The following PCDHGB3 variants were observed in gnomAD, a reference collection of about 807,000 sequenced individuals.
PCDHGB3 encodes the protein protocadherin gamma subfamily B, 3.
A neutral mutation model predicts 59.2 loss-of-function variants in PCDHGB3; 40 were observed. The ratio of observed to expected loss-of-function variants is 0.68; its 90% confidence interval spans 0.52 to 0.88. PCDHGB3 has a LOEUF of 0.88. Among genes scored for constraint, PCDHGB3 ranks in the 40% least tolerant of loss-of-function variants. The pLI is 0.00. For missense variants in PCDHGB3, 1,309 were observed against 1,187.9 expected (o/e 1.10, Z -1.50); for synonymous variants, 581 against 503.6 (o/e 1.15, Z -2.06).
At chr5:141,376,920 C>G (rs527270477) in intron 1 of PCDHGB3, 1 of 173,352 alleles carries the variant, frequency 5.8e-6, no homozygotes, top group Non-Finnish European at 1.2e-5. Flanking sequence ...ATCTCCTGAC[C>G]TCATGATCCA....
intron 1 of PCDHGB3, among the ~76,000 whole-genome samples, chr5:141,457,537 T>C (rs967428207): frequency 6.6e-6 from 1 of 152,228 alleles, no homozygotes; most frequent in Non-Finnish European, 1.5e-5. Context: ...TAGGGTTTAA[T>C]GACAAATGTA....
chr5:141,484,426 C>T (rs377504062), intron 1 of PCDHGB3, among the ~76,000 whole-genome samples: 1 of 152,188 alleles, frequency 6.6e-6, no homozygotes, highest in African/African-American at 2.4e-5. Context: ...ACAATGAGAA[C>T]ATGTACTGCA....
At chr5:141,478,963 A>G (rs193236728) in intron 1 of PCDHGB3, among the ~76,000 whole-genome samples, 5 of 152,322 alleles carry the variant, frequency 3.3e-5, no homozygotes, top group East Asian at 1.9e-4. Context: ...TCATTCCTCC[A>G]CCTTTCAAGT....
intron 1 of PCDHGB3, among the ~76,000 whole-genome samples, chr5:141,406,983 A>G (rs997882236): frequency 6.6e-6 from 1 of 152,250 alleles, no homozygotes; most frequent in Non-Finnish European, 1.5e-5. Context: ...AACATTTCAC[A>G]AGACATTTGA....
intron 1 of PCDHGB3, chr5:141,418,974 G>C (rs754074516): frequency 1.0e-4 from 167 of 1,613,818 alleles, no homozygotes; most frequent in Non-Finnish European, 1.4e-4. Flanking sequence ...TTCAAAACAC[G>C]GGACCAAGAC....
intron 1 of PCDHGB3, chr5:141,377,207 A>T (rs1170353646): frequency 6.6e-6 from 1 of 152,122 alleles, no homozygotes; most frequent in Non-Finnish European, 1.5e-5. Context: ...GATTGAGTAC[A>T]TCTCGTTTCT....
intron 1 of PCDHGB3, chr5:141,415,073 C>G: frequency 1.9e-6 from 3 of 1,613,434 alleles, no homozygotes; most frequent in Non-Finnish European, 2.5e-6. Flanking sequence ...GTGCGCACGG[C>G]GCGAGCCCTG....
chr5:141,377,926 T>C (rs1194396438), intron 1 of PCDHGB3: 1 of 152,186 alleles, frequency 6.6e-6, no homozygotes, highest in Non-Finnish European at 1.5e-5. Flanking sequence ...AATCCACCTG[T>C]AACTGCTGCT....
At chr5:141,386,498 A>G (rs961063181) in intron 1 of PCDHGB3, among the ~76,000 whole-genome samples, 2 of 135,914 alleles carry the variant, frequency 1.5e-5, no homozygotes, top group African/African-American at 5.6e-5. Context: ...TAATATAACA[A>G]GACTCTGTCT....
At chr5:141,460,425 G>A (rs953425058) in intron 1 of PCDHGB3, among the ~76,000 whole-genome samples, 3 of 152,114 alleles carry the variant, frequency 2.0e-5, no homozygotes. Flanking sequence ...TATGTATGGT[G>A]TATGGTGTGA....
chr5:141,449,256 A>C (rs929920180), intron 1 of PCDHGB3, among the ~76,000 whole-genome samples: 5 of 152,176 alleles, frequency 3.3e-5, no homozygotes, highest in Non-Finnish European at 5.9e-5. Context: ...CAAGAATTGT[A>C]CAAAGAACTG....
Position 141,432,325 on chromosome 5 carries a change from C to CGAGCA in PCDHGB3, c.2415+59518_2415+59522dup, listed in dbSNP as rs768604869. On this transcript the variant is annotated intron_variant, in intron 1 of 3. Coordinates refer to ENST00000576222, the MANE Select transcript of PCDHGB3 (RefSeq NM_018924.5). This position sits in a 1 kb window ranked among gnomAD's most constrained non-coding sequence, Gnocchi z 6.0. Reference sequence around the variant, plus strand: ...TGTATGCGCTGAGCTCCTTCGACTACGAGCAGTTCCGAGACTTGCAAGTGA... The same window carrying CGAGCA: ...TGTATGCGCTGAGCTCCTTCGACTACGAGCAGAGCAGTTCCGAGACTTGCAAGTGA... 20 of 1,614,142 alleles carry CGAGCA rather than the reference C, an allele frequency of 1.2e-5. No individual in the cohort carries two copies. Among genetic ancestry groups the CGAGCA allele is most frequent in the Non-Finnish European group, 1.7e-5 (20 of 1,180,050 alleles).
In PCDHGB3 at chr5:141,371,874, A is replaced by G; in HGVS notation, c.1480A>G (p.Ser494Gly). Residue 494 changes from serine to glycine, a missense_variant, in exon 1 of 4, where the codon AGT (serine) becomes GGT (glycine). Ser to Gly is a moderately conservative substitution (Grantham distance 56). Transcript: ENST00000576222. ...NGLVSYYIVA[S>G]DLEPRELSSY... ...CCTTGTCTCCTACTACATCGTGGCCAGTGACCTGGAGCCGCGGGAGCTGTC... is the reference window on the plus strand; with the variant it reads ...CCTTGTCTCCTACTACATCGTGGCCGGTGACCTGGAGCCGCGGGAGCTGTC... 2 of 1,613,474 alleles carry G rather than the reference A, an allele frequency of 1.2e-6. No homozygotes were observed. Among genetic ancestry groups the G allele is most frequent in the Non-Finnish European group, 1.7e-6 (2 of 1,179,902 alleles).
intron 1 of PCDHGB3, chr5:141,399,761 G>C: frequency 1.2e-6 from 2 of 1,613,356 alleles, no homozygotes; most frequent in Non-Finnish European, 1.7e-6. Flanking sequence ...GTGAGCCTGC[G>C]CGTGTTGGTG....
In PCDHGB3 at chr5:141,432,598, G is replaced by A; in HGVS notation, c.2415+59789G>A. The A allele has an allele frequency of 6.2e-7, 1 of 1,613,920 alleles. No individual in the cohort carries two copies. The highest frequency in any genetic ancestry group is 8.5e-7 in the Non-Finnish European group (1 of 1,179,972). On this transcript the variant is annotated intron_variant, in intron 1 of 3. Transcript: ENST00000576222. The surrounding 1 kb of genome is among the most constrained non-coding windows in gnomAD (Gnocchi z 6.0). ...CCTACCGTCTGCTCAAGGCCAGCGA[G>A]CCGGGACTCTTCTCGGTGGGTCTGC...
chr5:141,467,625 T>C (rs1407031447), intron 1 of PCDHGB3, among the ~76,000 whole-genome samples: 1 of 152,202 alleles, frequency 6.6e-6, no homozygotes, highest in African/African-American at 2.4e-5. Flanking sequence ...TGATTTGAGA[T>C]AGCATCTTTA....
At chr5:141,509,143 C>T (rs1022878562) in intron 3 of PCDHGB3, among the ~76,000 whole-genome samples, 9 of 152,138 alleles carry the variant, frequency 5.9e-5, no homozygotes, top group Non-Finnish European at 1.0e-4. Flanking sequence ...AGGCGCATCC[C>T]GGCTCTCCCC....
intron 1 of PCDHGB3, chr5:141,390,069 C>A: frequency 6.2e-7 from 1 of 1,614,076 alleles, no homozygotes; most frequent in Non-Finnish European, 8.5e-7. Context: ...CCAGCCTGGT[C>A]TCTGTGTTAA....
chr5:141,432,191 G>C lies in PCDHGB3; in HGVS notation c.2415+59382G>C. 2.5e-6 allele frequency: 4 copies of C among 1,614,110 alleles called. No individual in the cohort carries two copies. Among genetic ancestry groups the C allele is most frequent in the Non-Finnish European group, 3.4e-6 (4 of 1,180,026 alleles). On this transcript the variant is annotated intron_variant, in intron 1 of 3. Coordinates refer to ENST00000576222, the MANE Select transcript of PCDHGB3 (RefSeq NM_018924.5). The surrounding 1 kb of genome is among the most constrained non-coding windows in gnomAD (Gnocchi z 6.0). ...TTCCCTCGTCTCTGTGACCGCCCAC[G>C]ACCCCGACTGTGAAGAGAACGCCCA... is the stretch of plus-strand genomic sequence containing the variant.
Sources: allele counts gnomAD v4.1 joint callset (sites outside exome capture counted in the v4.1 genomes callset), GRCh38; gene constraint gnomAD v4.1.1; non-coding constraint Gnocchi (gnomAD v3.1); transcripts MANE v1.5; gene names NCBI Gene and HGNC (gene_info 2026-07-23, HGNC 2026-07-21).